CLDN14: variants seen among roughly 807,000 people sequenced by gnomAD.
CLDN14 encodes the protein claudin 14, also known as claudin-14.
CLDN14 carries 2 observed loss-of-function variants against 2.1 expected under a neutral mutation model. The ratio of observed to expected loss-of-function variants is 0.96; its 90% CI spans 0.39 to 3.01. CLDN14 has a LOEUF of 3.01. Ranked by LOEUF, CLDN14 falls within the 30% of genes most tolerant of loss-of-function variation. The pLI is 0.09. For synonymous variants in CLDN14, 136 were observed against 154.4 expected (o/e 0.88, Z 0.88); for missense variants, 298 against 328.0 (o/e 0.91, Z 0.71).
chr21:36,497,534 A>G (rs1305312078), intron 2 of CLDN14, among the ~76,000 whole-genome samples: 1 of 151,666 alleles, frequency 6.6e-6, no homozygotes, highest in African/African-American at 2.4e-5. Flanking sequence ...TATCTCCAAT[A>G]ACTCTTATCT....
At chr21:36,480,652 TC>T (rs1460490095), upstream of CLDN14, 1 of 152,178 alleles carries the variant, frequency 6.6e-6, no homozygotes, top group Non-Finnish European at 1.5e-5. Flanking sequence ...AAATCCCAGT[TC>T]CTTTTCAATT....
intron 2 of CLDN14, among the ~76,000 whole-genome samples, chr21:36,488,902 G>A (rs1238725464): frequency 2.6e-5 from 4 of 151,816 alleles, no homozygotes; most frequent in Admixed American, 1.3e-4. Context: ...GCTGAGGTGG[G>A]CAGATCACCT....
intron 1 of CLDN14, among the ~76,000 whole-genome samples, chr21:36,537,752 C>T (rs923067051): frequency 2.0e-5 from 3 of 150,614 alleles, no homozygotes; most frequent in Admixed American, 6.7e-5. Context: ...TGGGTTCAAG[C>T]AATTCCCCTG....
chr21:36,505,150 G>GT (rs1422760603), intron 2 of CLDN14, among the ~76,000 whole-genome samples: 2 of 152,138 alleles, frequency 1.3e-5, no homozygotes, highest in Non-Finnish European at 2.9e-5. Context: ...GAAATGGACA[G>GT]TAAGTATCTC....
chr21:36,500,509 G>A (rs532253786), intron 2 of CLDN14, among the ~76,000 whole-genome samples: 23 of 152,168 alleles, frequency 1.5e-4, no homozygotes, highest in Admixed American at 9.2e-4. Flanking sequence ...TCGGTTCACC[G>A]CAACCTCCAC....
intron 2 of CLDN14, chr21:36,485,982 C>A (rs138952890): frequency 0.033 from 47,099 of 1,442,358 alleles, 1,049 homozygotes; most frequent in Admixed American, 0.08. Context: ...TCCCTCCAGT[C>A]TCACTTCTTG....
At chr21:36,497,559 A>G (rs1490766493) in intron 2 of CLDN14, among the ~76,000 whole-genome samples, 2 of 151,986 alleles carry the variant, frequency 1.3e-5, no homozygotes, top group East Asian at 3.9e-4. Flanking sequence ...GCAAACTCCA[A>G]CAGGCCCCAA....
chr21:36,523,795 GAAA>G (rs2087296839), intron 1 of CLDN14, among the ~76,000 whole-genome samples: 1 of 113,920 alleles, frequency 8.8e-6, no homozygotes, highest in Admixed American at 8.2e-5. Flanking sequence ...AAGAAAGAAA[GAAA>G]GAAAGAAAGA....
intron 1 of CLDN14, among the ~76,000 whole-genome samples, chr21:36,520,885 C>G (rs574733720): frequency 6.6e-6 from 1 of 152,016 alleles, no homozygotes; most frequent in East Asian, 1.9e-4. Context: ...AAACACTAAC[C>G]CCCTTCAACG....
At chr21:36,485,830 T>C (rs1028511562) in intron 2 of CLDN14, 2 of 473,216 alleles carry the variant, frequency 4.2e-6, no homozygotes, top group Non-Finnish European at 7.6e-6. Flanking sequence ...ATAAACCTGA[T>C]GGGAAATGAG....
intron 1 of CLDN14, among the ~76,000 whole-genome samples, chr21:36,560,767 G>C (rs1449467930): frequency 1.3e-5 from 2 of 152,074 alleles, no homozygotes; most frequent in African/African-American, 2.4e-5. Context: ...AGAAAATGTT[G>C]CTCTTTATTT....
chr21:36,543,596 G>T (rs1045767960), intron 1 of CLDN14, among the ~76,000 whole-genome samples: 9 of 152,106 alleles, frequency 5.9e-5, no homozygotes, highest in Non-Finnish European at 1.3e-4. Flanking sequence ...TAGCACTTTG[G>T]CTTTACATAA....
intron 1 of CLDN14, among the ~76,000 whole-genome samples, chr21:36,534,462 T>C (rs1018635018): frequency 2.6e-5 from 4 of 152,092 alleles, no homozygotes; most frequent in African/African-American, 9.7e-5. Flanking sequence ...GATAAAAACA[T>C]ATGGGTTTAG....
At chr21:36,523,819 G>GAA (rs1439733446) in intron 1 of CLDN14, among the ~76,000 whole-genome samples, 1 of 145,066 alleles carries the variant, frequency 6.9e-6, no homozygotes, top group African/African-American at 2.6e-5. Context: ...AAGAAAGAAA[G>GAA]AAAGAAAGAA....
In CLDN14 at chr21:36,544,027, C is replaced by A. The variant is rs530506310; in HGVS notation, c.-220+32384G>T. 1.3e-5 allele frequency among the ~76,000 whole-genome samples: 2 copies of A among 152,220 alleles called. No individual in the cohort carries two copies. Among genetic ancestry groups the A allele is most frequent in the Non-Finnish European group, 2.9e-5 (2 of 68,044 alleles). On this transcript the variant is annotated intron_variant, in intron 1 of 2. Transcript: ENST00000342108. This position sits in a 1 kb window ranked among gnomAD's most constrained non-coding sequence, Gnocchi z 4.1. Reference sequence around the variant, plus strand: ...GGGAAGCCTGTGTCATGGATTCAACCGTCTGTGCTGAGCCGCACCTGCACT... The same window carrying A: ...GGGAAGCCTGTGTCATGGATTCAACAGTCTGTGCTGAGCCGCACCTGCACT...
At chr21:36,555,066 G>A (rs2087588989) in intron 1 of CLDN14, among the ~76,000 whole-genome samples, 1 of 152,232 alleles carries the variant, frequency 6.6e-6, no homozygotes. Context: ...CAGAGGCCTG[G>A]CACATGGCAA....
chr21:36,508,815 G>A (rs566791163), intron 2 of CLDN14, among the ~76,000 whole-genome samples: 7 of 152,332 alleles, frequency 4.6e-5, no homozygotes, highest in African/African-American at 1.7e-4. Context: ...GAAGCAGTGT[G>A]GGAGATGGAA....
chr21:36,497,543 C>A (rs1203657810), intron 2 of CLDN14, among the ~76,000 whole-genome samples: 3 of 151,914 alleles, frequency 2.0e-5, no homozygotes, highest in African/African-American at 7.3e-5. Context: ...TAACTCTTAT[C>A]TTTCAGCAAA....
intron 1 of CLDN14, among the ~76,000 whole-genome samples, chr21:36,566,905 C>T (rs986232520): frequency 1.3e-5 from 2 of 152,176 alleles, no homozygotes; most frequent in East Asian, 1.9e-4. Context: ...GGAAGACATC[C>T]GTCTGCCATC....
Sources: gnomAD v4.1 joint callset for allele counts (sites outside exome capture counted in the v4.1 genomes callset) on GRCh38, gnomAD v4.1.1 for gene constraint, Gnocchi (gnomAD v3.1) non-coding constraint, MANE v1.5 for transcripts, NCBI Gene and HGNC (gene_info 2026-07-23, HGNC 2026-07-21) for gene names.